The following LDLRAD4 variants were observed in gnomAD, a reference collection of about 807,000 sequenced individuals.
LDLRAD4 encodes low-density lipoprotein receptor class A domain-containing protein 4.
In LDLRAD4, 5 loss-of-function variants were observed where a neutral mutation model predicts 17.0. The ratio of observed to expected loss-of-function variants is 0.29; its 90% CI spans 0.15 to 0.62. LDLRAD4 has a LOEUF of 0.62. Among genes scored for constraint, LDLRAD4 ranks in the 20% least tolerant of loss-of-function variants. The pLI, the probability that LDLRAD4 is intolerant of heterozygous loss-of-function variation, is 0.84. For synonymous variants in LDLRAD4, 168 were observed against 171.8 expected (o/e 0.98, Z 0.17); for missense variants, 340 against 424.7 (o/e 0.80, Z 1.75).
intron 3 of LDLRAD4, among the ~76,000 whole-genome samples, chr18:13,605,944 C>T (rs941185384): frequency 6.6e-6 from 1 of 152,128 alleles, no homozygotes; most frequent in Non-Finnish European, 1.5e-5. Context: ...GGCTCCAGTT[C>T]CCCAGGTCTG....
At chr18:13,263,011 G>A (rs1598975417) in intron 1 of LDLRAD4, among the ~76,000 whole-genome samples, 1 of 133,874 alleles carries the variant, frequency 7.5e-6, no homozygotes. Flanking sequence ...CGTGCGTGGG[G>A]GCTGAGTCCC....
At chr18:13,332,572 C>G (rs1480353734) in intron 1 of LDLRAD4, among the ~76,000 whole-genome samples, 1 of 152,210 alleles carries the variant, frequency 6.6e-6, no homozygotes, top group Non-Finnish European at 1.5e-5. Flanking sequence ...CTCTCCCTCC[C>G]CTCAACCTGT....
rs538436400 is a variant in LDLRAD4, at chr18:13,300,181, C to A, written c.-383+21993C>A. Among the ~76,000 whole-genome samples the A allele has an allele frequency of 6.6e-6, 1 of 152,198 alleles. No individual in the cohort carries two copies. The highest frequency in any genetic ancestry group is 1.5e-5 in the Non-Finnish European group (1 of 68,032). On this transcript the variant is annotated intron_variant, in intron 1 of 5. Coordinates refer to ENST00000359446, the Ensembl canonical transcript of LDLRAD4. The surrounding 1 kb of genome is among the most constrained non-coding windows in gnomAD (Gnocchi z 4.2). ...CGGTTCCTGCTTGTCTCTGGAGAGC[C>A]GTGGTTCCAGGGCCAGCAGGTGCCT...
At chr18:13,342,252 A>G (rs947752835) in intron 1 of LDLRAD4, among the ~76,000 whole-genome samples, 2 of 152,066 alleles carry the variant, frequency 1.3e-5, no homozygotes, top group African/African-American at 2.4e-5. Context: ...GTCTCATACA[A>G]TAAGTTAGAA....
chr18:13,346,712 A>G (rs952150145), intron 1 of LDLRAD4, among the ~76,000 whole-genome samples: 5 of 152,168 alleles, frequency 3.3e-5, no homozygotes, highest in Admixed American at 3.3e-4. Context: ...GTGGGAGTCT[A>G]AGTCTCTTTG....
intron 3 of LDLRAD4, among the ~76,000 whole-genome samples, chr18:13,538,933 T>C (rs2094237695): frequency 6.6e-6 from 1 of 152,204 alleles, no homozygotes; most frequent in Non-Finnish European, 1.5e-5. Context: ...AAATGATGAG[T>C]AATCTTTCTC....
intron 4 of LDLRAD4, among the ~76,000 whole-genome samples, chr18:13,624,180 ACCCACCAGGTGCTGAGCACTGCCG>A (rs2040909055): frequency 1.1e-5 from 1 of 91,482 alleles, no homozygotes. Context: ...GCACTGCCGG[ACCCACCAGGTGCTGAGCACTGCCG>A]GACCCAGGGG....
intron 3 of LDLRAD4, among the ~76,000 whole-genome samples, chr18:13,512,531 T>C (rs2093798446): frequency 6.6e-6 from 1 of 152,260 alleles, no homozygotes; most frequent in African/African-American, 2.4e-5. Context: ...TTTGCTGCTC[T>C]TGATGTTCAC....
chr18:13,554,659 T>C (rs2094466691), intron 3 of LDLRAD4, among the ~76,000 whole-genome samples: 1 of 152,224 alleles, frequency 6.6e-6, no homozygotes, highest in Non-Finnish European at 1.5e-5. Flanking sequence ...AATATTTTAT[T>C]TAGGGAATAC....
At chr18:13,612,574 T>A in intron 3 of LDLRAD4, 9 of 1,459,598 alleles carry the variant, frequency 6.2e-6, no homozygotes, top group Admixed American at 2.2e-5. Flanking sequence ...TCACACACTC[T>A]CCCACACCCC....
chr18:13,363,318 C>T (rs931636910), intron 1 of LDLRAD4, among the ~76,000 whole-genome samples: 4 of 111,726 alleles, frequency 3.6e-5, no homozygotes, highest in Non-Finnish European at 5.1e-5. Flanking sequence ...GGCGACAGAG[C>T]AAGACTCCGT....
chr18:13,409,323 C>G (rs967500422), intron 2 of LDLRAD4, among the ~76,000 whole-genome samples: 3 of 152,076 alleles, frequency 2.0e-5, no homozygotes, highest in South Asian at 2.1e-4. Context: ...TGTGTGGGGG[C>G]CCCCTTGGGG....
chr18:13,237,862 G>T (rs2042412576), intron 1 of LDLRAD4, among the ~76,000 whole-genome samples: 3 of 152,214 alleles, frequency 2.0e-5, no homozygotes, highest in Non-Finnish European at 4.4e-5. Flanking sequence ...GGAAACTGAG[G>T]TCTAGGGAAT....
At chr18:13,230,779 C>T (rs1210247195) in intron 1 of LDLRAD4, among the ~76,000 whole-genome samples, 1 of 152,186 alleles carries the variant, frequency 6.6e-6, no homozygotes, top group Non-Finnish European at 1.5e-5. Flanking sequence ...TTGTTGTGAA[C>T]TCAAAATCCA....
At chr18:13,417,350 C>G (rs140306249) in intron 2 of LDLRAD4, among the ~76,000 whole-genome samples, 2 of 152,088 alleles carry the variant, frequency 1.3e-5, no homozygotes, top group Non-Finnish European at 2.9e-5. Context: ...AGGAAAACCA[C>G]GTGATTTGTT....
intron 1 of LDLRAD4, among the ~76,000 whole-genome samples, chr18:13,347,013 G>T (rs989472013): frequency 6.6e-6 from 1 of 152,162 alleles, no homozygotes; most frequent in East Asian, 1.9e-4. Context: ...GATGGGTCTT[G>T]ACTTTTTATC....
intron 1 of LDLRAD4, among the ~76,000 whole-genome samples, chr18:13,351,136 A>G (rs2083013606): frequency 6.6e-6 from 1 of 152,120 alleles, no homozygotes; most frequent in African/African-American, 2.4e-5. Flanking sequence ...TCCATATGAA[A>G]TTTAAAGTAG....
At chr18:13,636,580 C>T (rs1276354560) in intron 4 of LDLRAD4, among the ~76,000 whole-genome samples, 3 of 152,170 alleles carry the variant, frequency 2.0e-5, no homozygotes, top group Non-Finnish European at 2.9e-5. Flanking sequence ...ACTACAACCT[C>T]GGCCTCCCAG....
chr18:13,315,088 A>C (rs2080856600), intron 1 of LDLRAD4, among the ~76,000 whole-genome samples: 1 of 152,188 alleles, frequency 6.6e-6, no homozygotes, highest in African/African-American at 2.4e-5. Context: ...AGCCCTGGAA[A>C]GCACCTAGAC....
Sources: allele counts gnomAD v4.1 joint callset (sites outside exome capture counted in the v4.1 genomes callset), GRCh38; gene constraint gnomAD v4.1.1; non-coding constraint Gnocchi (gnomAD v3.1); transcripts MANE v1.5; gene names NCBI Gene and HGNC (gene_info 2026-07-23, HGNC 2026-07-21).